Variants in PELI2 observed in about 807,000 individuals in gnomAD.
PELI2 encodes pellino E3 ubiquitin protein ligase family member 2, also known as E3 ubiquitin-protein ligase pellino homolog 2.
A neutral mutation model predicts 42.3 loss-of-function variants in PELI2; 23 were observed. The observed-to-expected ratio is 0.54, with a 90% CI of 0.39 to 0.77. PELI2 has a LOEUF of 0.77. PELI2 is among the 30% of genes least tolerant of loss of function. The probability of loss-of-function intolerance (pLI) is 0.00; values close to 1 mark genes in which losing one functional copy is unlikely to be tolerated. For missense variants in PELI2, 463 were observed against 553.2 expected, an observed-to-expected ratio of 0.84 and a Z score of 1.64; for synonymous variants, 245 against 212.2, an observed-to-expected ratio of 1.15 and a Z score of -1.34.
chr14:56,203,861 T>C (rs920597029), intron 2 of PELI2, among the ~76,000 whole-genome samples: 2 of 152,170 alleles, frequency 1.3e-5, no homozygotes, highest in African/African-American at 4.8e-5. Flanking sequence ...CGGTGACTTT[T>C]CAGCTGAGTC....
chr14:56,268,182 GC>G lies in PELI2; in HGVS notation c.208-11493del. Among the ~76,000 whole-genome samples the G allele has an allele frequency of 2.0e-5, 3 of 152,284 alleles. No homozygotes were observed. The South Asian group carries it at 6.2e-4, about 32-fold the overall frequency. ...AACTAGTAAGTGCATTTTTGAAAGA[GC>G]AATAGGCAAATCGAATTATTCAACA... On this transcript the variant is annotated intron_variant, in intron 2 of 5. Coordinates refer to ENST00000267460, the MANE Select transcript of PELI2 (RefSeq NM_021255.3).
At chr14:56,155,039 C>CATA (rs1884499296) in intron 1 of PELI2, among the ~76,000 whole-genome samples, 1 of 152,072 alleles carries the variant, frequency 6.6e-6, no homozygotes, top group East Asian at 1.9e-4. Flanking sequence ...ATTGTCTATT[C>CATA]ATGTTCTTTG....
intron 2 of PELI2, among the ~76,000 whole-genome samples, chr14:56,239,937 T>C (rs1412842272): frequency 6.6e-6 from 1 of 152,110 alleles, no homozygotes; most frequent in Admixed American, 6.5e-5. Context: ...AGAAATAATC[T>C]ATCAGTAGCA....
intron 2 of PELI2, among the ~76,000 whole-genome samples, chr14:56,239,159 CATTA>C (rs1247524780): frequency 6.6e-6 from 1 of 152,120 alleles, no homozygotes; most frequent in Non-Finnish European, 1.5e-5. Context: ...TAATGAAAAA[CATTA>C]ATTATTAAAC....
chr14:56,149,763 G>A (rs988060414), intron 1 of PELI2, among the ~76,000 whole-genome samples: 6 of 151,980 alleles, frequency 3.9e-5, no homozygotes, highest in African/African-American at 1.5e-4. Context: ...CTAAAATATT[G>A]TGTATGTTAT....
chr14:56,214,008 T>C (rs1886805342), intron 2 of PELI2, among the ~76,000 whole-genome samples: 1 of 152,126 alleles, frequency 6.6e-6, no homozygotes, highest in Non-Finnish European at 1.5e-5. Flanking sequence ...TGCGACACTA[T>C]GCCCAACTAA....
At chr14:56,200,372 T>G (rs1334297830) in intron 2 of PELI2, among the ~76,000 whole-genome samples, 1 of 91,972 alleles carries the variant, frequency 1.1e-5, no homozygotes, top group African/African-American at 3.2e-5. Flanking sequence ...CATTTTCAGA[T>G]GAGGCATGTG....
chr14:56,233,322 G>A (rs964406938), intron 2 of PELI2, among the ~76,000 whole-genome samples: 1 of 152,128 alleles, frequency 6.6e-6, no homozygotes, highest in Admixed American at 6.5e-5. Context: ...AAAGAACAAA[G>A]CTGGAGGCAT....
chr14:56,291,532 T>G (rs1889830806), intron 5 of PELI2, among the ~76,000 whole-genome samples: 1 of 152,216 alleles, frequency 6.6e-6, no homozygotes, highest in South Asian at 2.1e-4. Flanking sequence ...AAAAGCAAAT[T>G]CAATAAATTT....
intron 2 of PELI2, among the ~76,000 whole-genome samples, chr14:56,207,423 C>T (rs8014521): frequency 0.41 from 61,681 of 151,960 alleles, 13,261 homozygotes; most frequent in South Asian, 0.53. Context: ...ATTATACTCA[C>T]TACCCACAAG....
intron 2 of PELI2, among the ~76,000 whole-genome samples, chr14:56,257,115 C>T (rs1192382619): frequency 6.6e-6 from 1 of 152,020 alleles, no homozygotes; most frequent in African/African-American, 2.4e-5. Flanking sequence ...TATTATTTAA[C>T]CAAAATTACC....
At chr14:56,248,538 G>T (rs1334760005) in intron 2 of PELI2, among the ~76,000 whole-genome samples, 1 of 152,120 alleles carries the variant, frequency 6.6e-6, no homozygotes, top group Non-Finnish European at 1.5e-5. Flanking sequence ...CTGGCAGGGA[G>T]CCTTGGTGGA....
chr14:56,248,894 A>T (rs1215995771), intron 2 of PELI2, among the ~76,000 whole-genome samples: 1 of 152,052 alleles, frequency 6.6e-6, no homozygotes, highest in Non-Finnish European at 1.5e-5. Flanking sequence ...CTTGTAGAGG[A>T]TATCATGTTT....
chr14:56,202,491 T>C (rs1886365459), intron 2 of PELI2, among the ~76,000 whole-genome samples: 3 of 123,684 alleles, frequency 2.4e-5, no homozygotes, highest in African/African-American at 7.9e-5. Context: ...CCTCCCCTCC[T>C]TCGCTACACT....
chr14:56,178,778 A>G (rs750430837), intron 2 of PELI2, among the ~76,000 whole-genome samples: 1 of 152,232 alleles, frequency 6.6e-6, no homozygotes, highest in Non-Finnish European at 1.5e-5. Context: ...CTGTCCTATT[A>G]GGAAGCACTG....
intron 2 of PELI2, among the ~76,000 whole-genome samples, chr14:56,183,673 T>G (rs1454817305): frequency 1.3e-5 from 2 of 152,164 alleles, no homozygotes; most frequent in African/African-American, 2.4e-5. Context: ...GCTCCAACAA[T>G]TTCACATAGA....
At chr14:56,232,602 C>CGT (rs1887627101) in intron 2 of PELI2, among the ~76,000 whole-genome samples, 1 of 151,964 alleles carries the variant, frequency 6.6e-6, no homozygotes. Context: ...ATCAACGGGA[C>CGT]ATATCTCAAA....
At chr14:56,169,114 C>T (rs1254996397) in intron 1 of PELI2, among the ~76,000 whole-genome samples, 1 of 152,148 alleles carries the variant, frequency 6.6e-6, no homozygotes, top group Non-Finnish European at 1.5e-5. Flanking sequence ...GAAAGGGTCT[C>T]TTTTGGAGCC....
Position 56,297,255 on chromosome 14 carries a change from TTATCAGAGGAGGG to T in PELI2, c.*91_*103del. 1 of 834,560 alleles carries T rather than the reference TTATCAGAGGAGGG, an allele frequency of 1.2e-6. No homozygotes were observed. The highest frequency in any genetic ancestry group is 1.9e-6 in the Non-Finnish European group (1 of 532,862). 51.7% of individuals were successfully genotyped at this position (834,560 alleles called of 1,614,324 possible). On this transcript the variant is annotated 3_prime_UTR_variant, in exon 6 of 6. Coordinates refer to ENST00000267460, the MANE Select transcript of PELI2 (RefSeq NM_021255.3). ...AGATTTTACCTTTTTGTAATGCTGT[TTATCAGAGGAGGG>T]TGACAGGGGCTGGAAATAAAGAGAG...
Sources: gnomAD v4.1 joint callset for allele counts (sites outside exome capture counted in the v4.1 genomes callset) on GRCh38, gnomAD v4.1.1 for gene constraint, MANE v1.5 for transcripts, NCBI Gene and HGNC (gene_info 2026-07-23, HGNC 2026-07-21) for gene names.